DNAH3: variants seen among roughly 807,000 people sequenced by gnomAD.
DNAH3 encodes dynein axonemal heavy chain 3.
DNAH3 carries 332 observed loss-of-function variants against 432.5 expected under a neutral mutation model. The ratio of observed to expected loss-of-function variants is 0.77; its 90% CI spans 0.70 to 0.84. DNAH3 has a LOEUF of 0.84. DNAH3 is among the 40% of genes least tolerant of loss of function. The pLI, the probability that DNAH3 is intolerant of heterozygous loss-of-function variation, is 0.00. For missense variants in DNAH3, 4,861 were observed against 5,114.0 expected (o/e 0.95, Z 1.51); for synonymous variants, 1,956 against 1,900.2 (o/e 1.03, Z -0.76).
At chr16:20,964,176 C>T in exon 53 of DNAH3, 1 of 1,614,136 alleles carries the variant, frequency 6.2e-7, no homozygotes, top group Non-Finnish European at 8.5e-7. Flanking sequence ...CTTCAATTTC[C>T]TTGAGATGCT....
exon 40 of DNAH3, chr16:21,022,046 G>T: frequency 6.2e-7 from 1 of 1,614,074 alleles, no homozygotes; most frequent in Non-Finnish European, 8.5e-7. Flanking sequence ...AATTTACAAT[G>T]AAGGCGACCA....
chr16:21,036,925 A>G, intron 34 of DNAH3, 77 bp from the exon 35 acceptor site: 2 of 1,186,018 alleles, frequency 1.7e-6, no homozygotes, highest in Non-Finnish European at 2.4e-6. Flanking sequence ...CTAAAATGAG[A>G]TGTATCAACA....
intron 46 of DNAH3, 114 bp downstream of exon 46, chr16:20,987,579 T>C: frequency 6.5e-7 from 1 of 1,531,330 alleles, no homozygotes; most frequent in Non-Finnish European, 8.9e-7. Flanking sequence ...CTTAGCACAA[T>C]GCCTAGCATA....
intron 36 of DNAH3, 147 bp downstream of exon 36, chr16:21,033,827 G>T: frequency 1.8e-6 from 1 of 557,676 alleles, no homozygotes; most frequent in Non-Finnish European, 3.2e-6. Flanking sequence ...TTTTCTGCTT[G>T]CAGACATCTG....
intron 42 of DNAH3, 121 bp downstream of exon 42, chr16:21,002,983 T>G: frequency 1.4e-6 from 1 of 714,552 alleles, no homozygotes; most frequent in Non-Finnish European, 2.5e-6. Context: ...AGCTCATGTT[T>G]AAATATTTTT....
intron 5 of DNAH3, among the ~76,000 whole-genome samples, chr16:21,138,339 AG>A (rs1491545874): frequency 6.6e-6 from 1 of 152,194 alleles, no homozygotes; most frequent in Non-Finnish European, 1.5e-5. Flanking sequence ...AGCTGCTAAC[AG>A]GGGAGTATTG....
At chr16:20,967,133 C>A (rs983331874) in intron 52 of DNAH3, among the ~76,000 whole-genome samples, 34 of 152,130 alleles carry the variant, frequency 2.2e-4, no homozygotes, top group Admixed American at 4.6e-4. Context: ...GAGGAGAAAT[C>A]AGCCAAATAT....
chr16:21,145,389 G>A (rs2152832163), exon 3 of DNAH3: 1 of 1,614,170 alleles, frequency 6.2e-7, no homozygotes, highest in Non-Finnish European at 8.5e-7. Flanking sequence ...GCGGGTAAAA[G>A]CTGTGTGACA....
intron 7 of DNAH3, 100 bp downstream of exon 8, chr16:21,134,159 T>G (rs1385718533): frequency 8.4e-7 from 1 of 1,186,682 alleles, no homozygotes. Context: ...CATTTCTCTA[T>G]GCTGTCAGGG....
chr16:21,003,907 T>A (rs1034613524), intron 41 of DNAH3, among the ~76,000 whole-genome samples: 1 of 152,070 alleles, frequency 6.6e-6, no homozygotes, highest in African/African-American at 2.4e-5. Context: ...CACACAAACA[T>A]ACTGAAGATG....
At chr16:20,996,530 G>A (rs1337808498) in intron 44 of DNAH3, among the ~76,000 whole-genome samples, 1 of 152,064 alleles carries the variant, frequency 6.6e-6, no homozygotes, top group Admixed American at 6.6e-5. Context: ...TGCCATCTCG[G>A]CTCACTGCAA....
At chr16:21,069,975 T>C (rs892884435) in intron 22 of DNAH3, among the ~76,000 whole-genome samples, 28 of 152,154 alleles carry the variant, frequency 1.8e-4, no homozygotes, top group African/African-American at 6.8e-4. Context: ...AACACAACAG[T>C]TTAGTAATGT....
chr16:21,084,877 A>G, intron 19 of DNAH3, among the ~76,000 whole-genome samples: 1 of 152,198 alleles, frequency 6.6e-6, no homozygotes, highest in Non-Finnish European at 1.5e-5. Flanking sequence ...TCCAAATGCC[A>G]TCGACAAGGA....
intron 31 of DNAH3, among the ~76,000 whole-genome samples, chr16:21,046,458 T>C (rs1341865168): frequency 1.3e-5 from 2 of 151,334 alleles, no homozygotes; most frequent in African/African-American, 2.4e-5. Context: ...TTGATCTTTG[T>C]TGGTTTAAAG....
rs770854618 is a variant in DNAH3 at position 20,988,044 on chromosome 16, T to C, written c.6623A>G (p.Asn2208Ser). 5 of 1,614,098 alleles carry C rather than the reference T, an allele frequency of 3.1e-6. No homozygotes were observed. In the South Asian group the frequency reaches 4.4e-5, roughly 14 times the overall value. Reference sequence around the variant, plus strand: ...CTCAAAGGCATTGATGGAAATGATATTCAGATGGCGAGTGAATCGTCCTGG... The same window carrying C: ...CTCAAAGGCATTGATGGAAATGATACTCAGATGGCGAGTGAATCGTCCTGG... The change falls in exon 45 of 62, where the codon AAT becomes AGT. Residue 2208 changes from asparagine (N) to serine (S), a missense_variant. By Grantham distance (46) the Asn-to-Ser change is conservative. Transcript: ENST00000261383.
intron 51 of DNAH3, 48 bp downstream of exon 51, chr16:20,975,185 G>T (rs771089374): frequency 1.9e-6 from 3 of 1,600,248 alleles, no homozygotes; most frequent in Non-Finnish European, 1.7e-6. Flanking sequence ...GTATAACCAC[G>T]CTCATTCGGC....
At chr16:21,159,226 G>T in intron 1 of DNAH3, 2 of 1,075,276 alleles carry the variant, frequency 1.9e-6, no homozygotes, top group Non-Finnish European at 2.9e-6. Context: ...TATCAAAGGG[G>T]GCTTCTTTAC....
intron 1 of DNAH3, among the ~76,000 whole-genome samples, chr16:21,156,310 C>T (rs887626101): frequency 6.6e-6 from 1 of 151,864 alleles, no homozygotes; most frequent in African/African-American, 2.4e-5. Context: ...CAGCTCACTG[C>T]AGCCTCCACT....
intron 7 of DNAH3, among the ~76,000 whole-genome samples, chr16:21,130,507 G>A (rs528969482): frequency 7.9e-5 from 12 of 152,088 alleles, no homozygotes; most frequent in Non-Finnish European, 1.6e-4. Context: ...GTTTCACCAT[G>A]TTGGTCAGGC....
Sources: gnomAD v4.1 joint callset for allele counts (sites outside exome capture counted in the v4.1 genomes callset) on GRCh38, gnomAD v4.1.1 for gene constraint, MANE v1.5 for transcripts, NCBI Gene and HGNC (gene_info 2026-07-23, HGNC 2026-07-21) for gene names.